The following NKAIN2 variants were observed in gnomAD, a reference collection of about 807,000 sequenced individuals.
NKAIN2 encodes the protein sodium/potassium transporting ATPase interacting 2, also known as sodium/potassium-transporting ATPase subunit beta-1-interacting protein 2.
In NKAIN2, 14 loss-of-function variants were observed where a neutral mutation model predicts 32.6. The observed-to-expected ratio is 0.43, with a 90% CI of 0.28 to 0.67. The LOEUF (loss-of-function observed/expected upper bound fraction) is 0.67, where lower values mean the gene tolerates loss of function less well. Among genes scored for constraint, NKAIN2 ranks in the 30% least tolerant of loss-of-function variants. NKAIN2 has a pLI of 0.17. For missense variants in NKAIN2, 198 were observed against 258.3 expected, an observed-to-expected ratio of 0.77 and a Z score of 1.60; for synonymous variants, 80 against 87.2, an observed-to-expected ratio of 0.92 and a Z score of 0.46.
intron 1 of NKAIN2, among the ~76,000 whole-genome samples, chr6:124,217,785 G>GTACACACACACACACATA (rs1791559564): frequency 2.1e-5 from 2 of 93,778 alleles, no homozygotes; most frequent in Non-Finnish European, 5.9e-5. Flanking sequence ...ATATATATAT[G>GTACACACACACACACATA]TACACACACA....
At chr6:124,563,741 C>T (rs1172140741) in intron 3 of NKAIN2, among the ~76,000 whole-genome samples, 1 of 152,094 alleles carries the variant, frequency 6.6e-6, no homozygotes, top group Non-Finnish European at 1.5e-5. Context: ...TCAGCTCACT[C>T]CAACCTCTGC....
chr6:124,348,917 C>T (rs949332353), intron 2 of NKAIN2, among the ~76,000 whole-genome samples: 2 of 152,148 alleles, frequency 1.3e-5, no homozygotes, highest in East Asian at 3.9e-4. Context: ...TTCCGACGGG[C>T]TTAAAAAACG....
intron 4 of NKAIN2, among the ~76,000 whole-genome samples, chr6:124,661,325 G>A (rs1784736838): frequency 6.6e-6 from 1 of 152,134 alleles, no homozygotes; most frequent in Admixed American, 6.5e-5. Flanking sequence ...CAGCATATCT[G>A]GCTTAGATCT....
intron 4 of NKAIN2, among the ~76,000 whole-genome samples, chr6:124,767,838 G>A (rs1461978106): frequency 2.0e-5 from 3 of 151,786 alleles, no homozygotes; most frequent in Admixed American, 1.3e-4. Flanking sequence ...TTTTATTTTC[G>A]TCTGGTGCCT....
intron 5 of NKAIN2, among the ~76,000 whole-genome samples, chr6:124,806,344 TAAAG>T (rs1384937533): frequency 6.6e-6 from 1 of 152,016 alleles, no homozygotes; most frequent in Non-Finnish European, 1.5e-5. Context: ...TCAACATACT[TAAAG>T]AAAAGATTTT....
chr6:123,960,405 A>C (rs960074869), intron 1 of NKAIN2, among the ~76,000 whole-genome samples: 1 of 152,112 alleles, frequency 6.6e-6, no homozygotes, highest in African/African-American at 2.4e-5. Flanking sequence ...GGATGTACTC[A>C]GTGTCTACAC....
rs373404018 is a variant in NKAIN2, at chr6:124,729,775, C to G, written c.475-61564C>G. ...GAAAAGAGGAAGTCAAATTGTCCCT[C>G]TTTGCAGATGACATGATTGTATATC... On this transcript the variant is annotated intron_variant, in intron 4 of 6. Transcript: ENST00000368417. 5.5e-4 allele frequency among the ~76,000 whole-genome samples: 83 copies of G among 151,694 alleles called. 1 individual carries two copies. The highest frequency in any genetic ancestry group is 4.4e-3 in the Admixed American group (67 of 15,216).
At chr6:123,913,180 A>G (rs1207390431) in intron 1 of NKAIN2, among the ~76,000 whole-genome samples, 1 of 152,232 alleles carries the variant, frequency 6.6e-6, no homozygotes, top group Non-Finnish European at 1.5e-5. Context: ...CATCCAACAT[A>G]ATTTCCTAAC....
At chr6:124,409,038 C>T (rs897849818) in intron 3 of NKAIN2, among the ~76,000 whole-genome samples, 1 of 152,056 alleles carries the variant, frequency 6.6e-6, no homozygotes, top group African/African-American at 2.4e-5. Flanking sequence ...TTTGCACATT[C>T]ATTTTGTATC....
At chr6:124,458,561 C>T (rs540075548) in intron 3 of NKAIN2, among the ~76,000 whole-genome samples, 4 of 151,686 alleles carry the variant, frequency 2.6e-5, no homozygotes, top group African/African-American at 4.8e-5. Flanking sequence ...TATTATTAAT[C>T]GGTCTTAAAT....
intron 1 of NKAIN2, among the ~76,000 whole-genome samples, chr6:124,011,257 A>T (rs1168897464): frequency 5.3e-5 from 8 of 150,812 alleles, no homozygotes; most frequent in Non-Finnish European, 7.4e-5. Flanking sequence ...TTCACACCTC[A>T]CTCTCTATCC....
intron 2 of NKAIN2, among the ~76,000 whole-genome samples, chr6:124,303,111 T>TA (rs759232281): frequency 2.0e-5 from 3 of 152,210 alleles, no homozygotes; most frequent in Non-Finnish European, 2.9e-5. Context: ...TTTTGAACAC[T>TA]ATTAGAGAAC....
At chr6:124,400,376 G>A (rs1372165148) in intron 3 of NKAIN2, among the ~76,000 whole-genome samples, 2 of 152,084 alleles carry the variant, frequency 1.3e-5, no homozygotes, top group African/African-American at 4.8e-5. Flanking sequence ...TAGAACCAGT[G>A]ACTCCTCCAA....
chr6:124,099,628 A>G (rs569048467), intron 1 of NKAIN2, among the ~76,000 whole-genome samples: 2 of 152,344 alleles, frequency 1.3e-5, no homozygotes, highest in Admixed American at 6.5e-5. Context: ...GAATGAGGTT[A>G]AAGCTGTGGT....
chr6:123,955,701 A>G (rs896209341), intron 1 of NKAIN2, among the ~76,000 whole-genome samples: 3 of 151,512 alleles, frequency 2.0e-5, no homozygotes, highest in Admixed American at 2.0e-4. Context: ...TCATAGCTCA[A>G]TGCAACCTCG....
chr6:124,511,334 C>T (rs932913294), intron 3 of NKAIN2, among the ~76,000 whole-genome samples: 1 of 152,018 alleles, frequency 6.6e-6, no homozygotes, highest in African/African-American at 2.4e-5. Flanking sequence ...TGAATTCTAC[C>T]CTAGAGGAGT....
intron 1 of NKAIN2, among the ~76,000 whole-genome samples, chr6:124,176,358 C>T (rs1035104869): frequency 6.6e-6 from 1 of 152,076 alleles, no homozygotes; most frequent in African/African-American, 2.4e-5. Context: ...ACTAGCTAGT[C>T]TCTAATAACT....
chr6:124,316,393 C>G (rs919838061), intron 2 of NKAIN2, among the ~76,000 whole-genome samples: 3 of 152,070 alleles, frequency 2.0e-5, no homozygotes, highest in African/African-American at 7.2e-5. Context: ...CACATAGACA[C>G]AGATGATTGA....
chr6:124,521,194 G>C (rs474265), intron 3 of NKAIN2, among the ~76,000 whole-genome samples: 144,432 of 152,190 alleles, frequency 0.95, 68,971 homozygotes, highest in East Asian at 1. Context: ...AGAAGACATC[G>C]TCGCCTTGTT....
Sources: allele counts gnomAD v4.1 joint callset (sites outside exome capture counted in the v4.1 genomes callset), GRCh38; gene constraint gnomAD v4.1.1; transcripts MANE v1.5; gene names NCBI Gene and HGNC (gene_info 2026-07-23, HGNC 2026-07-21).